INPP4B: variants seen among roughly 807,000 people sequenced by gnomAD.
INPP4B encodes the protein inositol polyphosphate 4-phosphatase type II.
Under a neutral mutation model 122.5 loss-of-function variants are expected in INPP4B, and 55 were observed. That is an observed-to-expected ratio of 0.45 (90% CI 0.36 to 0.56). INPP4B has a LOEUF of 0.56. INPP4B is among the 20% of genes least tolerant of loss of function. The pLI is 0.00. For missense variants in INPP4B, 1,000 were observed against 1,097.7 expected, an observed-to-expected ratio of 0.91 and a Z score of 1.26; for synonymous variants, 403 against 388.7, an observed-to-expected ratio of 1.04 and a Z score of -0.43.
chr4:142,692,763 G>C (rs1010525400), intron 2 of INPP4B, among the ~76,000 whole-genome samples: 6 of 152,062 alleles, frequency 3.9e-5, no homozygotes, highest in Non-Finnish European at 7.4e-5. Context: ...CCTGGCCAGG[G>C]AACAAGTCCT....
chr4:142,601,518 C>T (rs1290980432), intron 2 of INPP4B, among the ~76,000 whole-genome samples: 2 of 147,478 alleles, frequency 1.4e-5, no homozygotes, highest in African/African-American at 5.0e-5. Context: ...GGAAACATGA[C>T]ATACCAATAC....
rs148981659 is a variant in INPP4B, at chr4:142,556,309, C to T, written c.-190-93583G>A. ...ACTGTCACCAACTGTGTGGGAACAA[C>T]ACCACATCACTCCTTGGTAACGAAG... On this transcript the variant is annotated intron_variant, in intron 2 of 25. Coordinates refer to ENST00000262992, the MANE Select transcript of INPP4B (RefSeq NM_001101669.3). Among the ~76,000 whole-genome samples the T allele has an allele frequency of 6.4e-3, 975 of 152,286 alleles. 24 individuals carry two copies. The highest frequency in any genetic ancestry group is 0.032 in the Admixed American group (495 of 15,296).
intron 15 of INPP4B, among the ~76,000 whole-genome samples, 200 bp downstream of exon 15, chr4:142,192,887 A>T (rs1497144): frequency 6.6e-6 from 1 of 152,106 alleles, no homozygotes. Flanking sequence ...CAATGCCACT[A>T]ACTAAGCAAG....
intron 9 of INPP4B, among the ~76,000 whole-genome samples, chr4:142,305,193 T>C (rs1762886245): frequency 6.6e-6 from 1 of 152,222 alleles, no homozygotes; most frequent in African/African-American, 2.4e-5. Flanking sequence ...ACTTTCTTAC[T>C]TTCAAAGAAT....
chr4:142,170,325 A>T (rs1824981040), intron 16 of INPP4B, among the ~76,000 whole-genome samples: 1 of 151,790 alleles, frequency 6.6e-6, no homozygotes, highest in South Asian at 2.1e-4. Context: ...TTATGATACA[A>T]TTTAATTGAG....
At chr4:142,546,123 T>C (rs1369453862) in intron 2 of INPP4B, among the ~76,000 whole-genome samples, 1 of 151,950 alleles carries the variant, frequency 6.6e-6, no homozygotes, top group Non-Finnish European at 1.5e-5. Flanking sequence ...GTGTGTGTCG[T>C]TCCTCTCTAT....
intron 9 of INPP4B, among the ~76,000 whole-genome samples, chr4:142,299,311 G>A (rs535458514): frequency 5.2e-4 from 73 of 139,160 alleles, no homozygotes; most frequent in South Asian, 5.1e-3. Flanking sequence ...ACAAGCATGC[G>A]CCATCACACC....
chr4:142,187,441 C>T (rs938058828), intron 15 of INPP4B, among the ~76,000 whole-genome samples: 3 of 151,842 alleles, frequency 2.0e-5, no homozygotes, highest in Non-Finnish European at 4.4e-5. Context: ...TGACTTCCAA[C>T]GAAACACAAA....
At chr4:142,331,788 T>C (rs1774601839) in intron 7 of INPP4B, among the ~76,000 whole-genome samples, 1 of 152,182 alleles carries the variant, frequency 6.6e-6, no homozygotes, top group Admixed American at 6.5e-5. Context: ...TGGCAGCTAG[T>C]GCTGAATGCT....
intron 1 of INPP4B, among the ~76,000 whole-genome samples, chr4:142,815,389 T>C (rs1203777952): frequency 3.3e-5 from 5 of 152,192 alleles, no homozygotes; most frequent in Admixed American, 6.6e-5. Context: ...TAAGATGTTA[T>C]TAATAGGAGA....
chr4:142,586,826 A>C (rs1328764746), intron 2 of INPP4B, among the ~76,000 whole-genome samples: 1 of 152,160 alleles, frequency 6.6e-6, no homozygotes, highest in African/African-American at 2.4e-5. Context: ...GTGATATCTG[A>C]AGAATGTATT....
At chr4:142,794,338 T>C (rs1580932707) in intron 1 of INPP4B, among the ~76,000 whole-genome samples, 1 of 151,984 alleles carries the variant, frequency 6.6e-6, no homozygotes. Context: ...GGACCCAGGA[T>C]CAAAGACATA....
chr4:142,672,425 G>T (rs1471291471), intron 2 of INPP4B, among the ~76,000 whole-genome samples: 3 of 151,934 alleles, frequency 2.0e-5, no homozygotes, highest in African/African-American at 7.2e-5. Flanking sequence ...TTTTTTGGTG[G>T]TGTTTGTTTG....
At chr4:142,707,638 G>A (rs866480007) in intron 2 of INPP4B, among the ~76,000 whole-genome samples, 2 of 152,190 alleles carry the variant, frequency 1.3e-5, no homozygotes, top group African/African-American at 4.8e-5. Context: ...TGCCATGATT[G>A]TAAGTTTCCT....
intron 5 of INPP4B, chr4:142,423,649 A>G: frequency 3.8e-6 from 1 of 263,152 alleles, no homozygotes; most frequent in Non-Finnish European, 7.5e-6. Context: ...TGTTGTGAAA[A>G]AACTGAATTT....
intron 1 of INPP4B, among the ~76,000 whole-genome samples, chr4:142,750,902 T>A (rs552333529): frequency 5.1e-4 from 78 of 152,218 alleles, no homozygotes; most frequent in African/African-American, 1.7e-3. Flanking sequence ...ACACATGGGA[T>A]AACCTAGAAA....
At chr4:142,318,632 A>G (rs1768765164) in intron 7 of INPP4B, among the ~76,000 whole-genome samples, 1 of 151,902 alleles carries the variant, frequency 6.6e-6, no homozygotes, top group Non-Finnish European at 1.5e-5. Context: ...CTAGACTTTT[A>G]TGATGTCAAA....
At chr4:142,177,150 A>T (rs1364977476) in intron 15 of INPP4B, among the ~76,000 whole-genome samples, 2 of 152,080 alleles carry the variant, frequency 1.3e-5, no homozygotes, top group Admixed American at 6.6e-5. Context: ...GGTTGTTCTG[A>T]TGAAGTCTTT....
chr4:142,169,420 C>A (rs1438757164), intron 16 of INPP4B, among the ~76,000 whole-genome samples: 1 of 151,502 alleles, frequency 6.6e-6, no homozygotes, highest in Admixed American at 6.6e-5. Context: ...AGTGAATAAA[C>A]AATAAAAAAA....
Sources: allele counts gnomAD v4.1 joint callset (sites outside exome capture counted in the v4.1 genomes callset), GRCh38; gene constraint gnomAD v4.1.1; transcripts MANE v1.5; gene names NCBI Gene and HGNC (gene_info 2026-07-23, HGNC 2026-07-21).